The following RBFOX1 variants were observed in gnomAD, a reference collection of about 807,000 sequenced individuals.
RBFOX1 encodes RNA binding fox-1 homolog 1.
RBFOX1 carries 8 observed loss-of-function variants against 57.7 expected under a neutral mutation model. The observed-to-expected ratio is 0.14, with a 90% CI of 0.08 to 0.25. The LOEUF (loss-of-function observed/expected upper bound fraction) is 0.25, where lower values mean the gene tolerates loss of function less well. RBFOX1 is among the 10% of genes least tolerant of loss of function. The pLI, the probability that RBFOX1 is intolerant of heterozygous loss-of-function variation, is 1.00. For missense variants in RBFOX1, 611 were observed against 548.5 expected (o/e 1.11, Z -1.14); for synonymous variants, 326 against 222.4 (o/e 1.47, Z -4.15).
chr16:6,737,748 T>C (rs980471962), intron 3 of RBFOX1, among the ~76,000 whole-genome samples: 1 of 152,208 alleles, frequency 6.6e-6, no homozygotes, highest in Non-Finnish European at 1.5e-5. Context: ...ATATGGGATT[T>C]AAATAATAGT....
intron 4 of RBFOX1, among the ~76,000 whole-genome samples, chr16:7,400,998 A>G (rs962194970): frequency 1.3e-5 from 2 of 152,204 alleles, no homozygotes; most frequent in Non-Finnish European, 2.9e-5. Context: ...CATGAAACTC[A>G]GGAATGTGAA....
At chr16:7,590,129 T>C (rs1405083286) in intron 7 of RBFOX1, among the ~76,000 whole-genome samples, 1 of 152,032 alleles carries the variant, frequency 6.6e-6, no homozygotes, top group East Asian at 1.9e-4. Context: ...TAGCTGGGCA[T>C]GGTGATATAC....
At chr16:7,131,092 C>G (rs1404065071) in intron 4 of RBFOX1, among the ~76,000 whole-genome samples, 2 of 152,090 alleles carry the variant, frequency 1.3e-5, no homozygotes, top group African/African-American at 2.4e-5. Flanking sequence ...TGCCTGTAAT[C>G]CCAGCATTTT....
chr16:7,524,593 C>G lies in RBFOX1; in HGVS notation c.270+6204C>G, dbSNP rs558294105. On this transcript the variant is annotated intron_variant, in intron 5 of 15. Coordinates refer to ENST00000550418, the MANE Select transcript of RBFOX1 (RefSeq NM_018723.4). ...GCTTCTGCAGTCTGTTGAAACGGCTCCCACCACTTTCCCACTAGCTCTAGG... is the reference window on the plus strand; with the variant it reads ...GCTTCTGCAGTCTGTTGAAACGGCTGCCACCACTTTCCCACTAGCTCTAGG... Among the ~76,000 whole-genome samples the G allele has an allele frequency of 2.0e-5, 3 of 152,270 alleles. No homozygotes were observed. In the East Asian group the frequency reaches 5.8e-4, roughly 29 times the overall value.
intron 2 of RBFOX1, among the ~76,000 whole-genome samples, chr16:5,555,988 T>C (rs2045658922): frequency 6.6e-6 from 1 of 152,006 alleles, no homozygotes; most frequent in African/African-American, 2.4e-5. Flanking sequence ...GCCATTGCAC[T>C]CCAGCCTGGG....
intron 2 of RBFOX1, among the ~76,000 whole-genome samples, chr16:5,552,694 T>C (rs527764414): frequency 2.4e-4 from 36 of 152,294 alleles, no homozygotes; most frequent in Admixed American, 2.0e-3. Context: ...CTGCCAGCCT[T>C]CCCTCTACAG....
chr16:5,952,118 C>T (rs1485813784), intron 4 of RBFOX1, among the ~76,000 whole-genome samples: 3 of 149,184 alleles, frequency 2.0e-5, no homozygotes, highest in Non-Finnish European at 4.4e-5. Flanking sequence ...TATATGTATA[C>T]ACACACACAT....
At chr16:5,370,227 T>C (rs2065822707) in intron 1 of RBFOX1, among the ~76,000 whole-genome samples, 1 of 152,146 alleles carries the variant, frequency 6.6e-6, no homozygotes, top group South Asian at 2.1e-4. Flanking sequence ...AACCCAATGG[T>C]GGGTCAGCTG....
intron 4 of RBFOX1, among the ~76,000 whole-genome samples, chr16:7,182,307 C>T (rs185322580): frequency 6.6e-6 from 1 of 152,124 alleles, no homozygotes; most frequent in Non-Finnish European, 1.5e-5. Context: ...CGAGAGTCAC[C>T]TGCCCCCCTG....
At chr16:7,473,293 G>A (rs373048034) in intron 4 of RBFOX1, among the ~76,000 whole-genome samples, 1 of 151,780 alleles carries the variant, frequency 6.6e-6, no homozygotes, top group East Asian at 1.9e-4. Context: ...CATGAGAATT[G>A]CTTGAACTCA....
chr16:7,028,371 A>T (rs751635264), intron 3 of RBFOX1, among the ~76,000 whole-genome samples: 3 of 152,034 alleles, frequency 2.0e-5, no homozygotes, highest in African/African-American at 7.2e-5. Flanking sequence ...GATGGATTTT[A>T]TCTCTCTGAT....
chr16:6,591,291 T>A (rs768770078), intron 2 of RBFOX1, among the ~76,000 whole-genome samples: 1 of 152,110 alleles, frequency 6.6e-6, no homozygotes, highest in South Asian at 2.1e-4. Context: ...ACTAAAAATA[T>A]ATATTTTTTA....
intron 4 of RBFOX1, among the ~76,000 whole-genome samples, chr16:7,250,196 G>T (rs1198863675): frequency 1.3e-5 from 2 of 152,090 alleles, no homozygotes; most frequent in Non-Finnish European, 2.9e-5. Context: ...TTCAAATGTG[G>T]TGTTTCTAAA....
chr16:6,497,645 C>T (rs914964551), intron 2 of RBFOX1, among the ~76,000 whole-genome samples: 1 of 152,020 alleles, frequency 6.6e-6, no homozygotes, highest in Non-Finnish European at 1.5e-5. Flanking sequence ...CAACCTCTGC[C>T]TCCCAGGTTC....
At chr16:7,158,185 A>G (rs1482252061) in intron 4 of RBFOX1, among the ~76,000 whole-genome samples, 1 of 152,048 alleles carries the variant, frequency 6.6e-6, no homozygotes, top group Non-Finnish European at 1.5e-5. Context: ...TGTCTCTATA[A>G]AAATACAAAA....
intron 4 of RBFOX1, among the ~76,000 whole-genome samples, chr16:7,199,819 C>T (rs976597704): frequency 1.3e-5 from 2 of 152,068 alleles, no homozygotes; most frequent in African/African-American, 4.8e-5. Flanking sequence ...TGCTTGAACC[C>T]AGGAGGTGGA....
chr16:6,293,015 C>A (rs1459728090), intron 1 of RBFOX1, among the ~76,000 whole-genome samples: 1 of 152,128 alleles, frequency 6.6e-6, no homozygotes, highest in African/African-American at 2.4e-5. Context: ...GTCTTCATAT[C>A]TTTCCCCCAC....
chr16:5,845,499 T>A (rs779406362), intron 3 of RBFOX1, among the ~76,000 whole-genome samples: 27 of 152,156 alleles, frequency 1.8e-4, no homozygotes, highest in Non-Finnish European at 2.6e-4. Flanking sequence ...TCTGGAGATG[T>A]GAGCAGGAAA....
intron 10 of RBFOX1, among the ~76,000 whole-genome samples, chr16:7,617,043 A>G (rs2058562174): frequency 6.6e-6 from 1 of 152,138 alleles, no homozygotes; most frequent in East Asian, 1.9e-4. Flanking sequence ...TAATGATGGT[A>G]GTAGTGAGGA....
Sources: allele counts gnomAD v4.1 joint callset (sites outside exome capture counted in the v4.1 genomes callset), GRCh38; gene constraint gnomAD v4.1.1; transcripts MANE v1.5; gene names NCBI Gene and HGNC (gene_info 2026-07-23, HGNC 2026-07-21).